TRAPPC9: variants seen among roughly 807,000 people sequenced by gnomAD.
The protein encoded by TRAPPC9 is trafficking protein particle complex subunit 9, also known as IKK2 binding protein.
A neutral mutation model predicts 124.0 loss-of-function variants in TRAPPC9; 83 were observed. The observed-to-expected ratio is 0.67, with a 90% confidence interval of 0.56 to 0.80. TRAPPC9 has a LOEUF of 0.80. Ranked by LOEUF, TRAPPC9 falls within the 30% of genes least tolerant of loss-of-function variation. TRAPPC9 has a pLI of 0.00. For synonymous variants in TRAPPC9, 638 were observed against 617.5 expected (o/e 1.03, Z -0.49); for missense variants, 1,302 against 1,508.3 (o/e 0.86, Z 2.27).
At chr8:140,188,245 T>A (rs1169381400) in intron 17 of TRAPPC9, among the ~76,000 whole-genome samples, 1 of 152,076 alleles carries the variant, frequency 6.6e-6, no homozygotes, top group Non-Finnish European at 1.5e-5. Flanking sequence ...TTTTAAACAA[T>A]CCCTGGTATC....
chr8:139,831,460 A>C lies in TRAPPC9; in HGVS notation c.3055+54419T>G, dbSNP rs560905737. ...TCACATGCATGCAAGCACGCACACT[A>C]ACACACACACGCTCAGTCACACACA... is the stretch of plus-strand genomic sequence containing the variant. On this transcript the variant is annotated intron_variant, in intron 21 of 22. Transcript: ENST00000438773. Among the ~76,000 whole-genome samples, 35 of 152,248 alleles carry C rather than the reference A, an allele frequency of 2.3e-4. No homozygotes were observed. The South Asian group carries it at 6.8e-3, about 30-fold the overall frequency.
At chr8:139,838,670 G>A (rs915538801) in intron 21 of TRAPPC9, among the ~76,000 whole-genome samples, 7 of 151,860 alleles carry the variant, frequency 4.6e-5, no homozygotes, top group Admixed American at 4.6e-4. Flanking sequence ...ACGGGTGGGT[G>A]GCAAGGTTAC....
intron 17 of TRAPPC9, among the ~76,000 whole-genome samples, chr8:140,089,996 C>A (rs570467565): frequency 5.9e-5 from 9 of 152,282 alleles, no homozygotes; most frequent in African/African-American, 2.2e-4. Context: ...AGGAAAATCA[C>A]TTGAACACGG....
At chr8:140,167,391 C>G (rs568772466) in intron 17 of TRAPPC9, among the ~76,000 whole-genome samples, 1 of 152,292 alleles carries the variant, frequency 6.6e-6, no homozygotes, top group East Asian at 1.9e-4. Flanking sequence ...TCTGCACACA[C>G]ACCACACGCC....
At chr8:139,844,316 A>G (rs1232888955) in intron 21 of TRAPPC9, among the ~76,000 whole-genome samples, 1 of 152,246 alleles carries the variant, frequency 6.6e-6, no homozygotes, top group East Asian at 1.9e-4. Flanking sequence ...ATTTCTTGGC[A>G]GAGTGCCTGG....
chr8:139,874,999 G>A (rs969419999), intron 21 of TRAPPC9, among the ~76,000 whole-genome samples: 2 of 152,214 alleles, frequency 1.3e-5, no homozygotes, highest in African/African-American at 4.8e-5. Context: ...ATGAGGGGAC[G>A]CTGGAAGTTA....
intron 21 of TRAPPC9, among the ~76,000 whole-genome samples, chr8:139,834,817 C>T (rs1826226129): frequency 6.6e-6 from 1 of 152,194 alleles, no homozygotes; most frequent in Non-Finnish European, 1.5e-5. Flanking sequence ...AGGCGCATTT[C>T]AGGATGTAAA....
intron 17 of TRAPPC9, among the ~76,000 whole-genome samples, chr8:140,165,309 C>A (rs549219552): frequency 6.6e-6 from 1 of 151,722 alleles, no homozygotes; most frequent in East Asian, 1.9e-4. Context: ...CCACTATACT[C>A]CAGCCTGGAT....
chr8:139,996,792 T>C (rs796682270), intron 18 of TRAPPC9, among the ~76,000 whole-genome samples: 7 of 152,316 alleles, frequency 4.6e-5, no homozygotes, highest in African/African-American at 1.7e-4. Context: ...CAGGTTGGAG[T>C]GCAATGGCGT....
intron 17 of TRAPPC9, among the ~76,000 whole-genome samples, chr8:140,031,404 A>C (rs965939506): frequency 2.6e-5 from 4 of 152,192 alleles, no homozygotes; most frequent in Non-Finnish European, 5.9e-5. Context: ...AACTAACACT[A>C]TTGTCAGAGA....
chr8:140,427,877 T>C (rs891959416), intron 4 of TRAPPC9, among the ~76,000 whole-genome samples: 7 of 152,208 alleles, frequency 4.6e-5, no homozygotes, highest in South Asian at 2.1e-4. Context: ...GTGTTTTCCA[T>C]TGAATAACAC....
At chr8:140,122,010 T>C (rs1475602944) in intron 17 of TRAPPC9, among the ~76,000 whole-genome samples, 1 of 144,478 alleles carries the variant, frequency 6.9e-6, no homozygotes, top group Non-Finnish European at 1.5e-5. Flanking sequence ...AGTCCATCTC[T>C]TTCTTTCTTT....
chr8:139,983,136 C>G (rs1193117134), intron 19 of TRAPPC9, among the ~76,000 whole-genome samples: 1 of 152,128 alleles, frequency 6.6e-6, no homozygotes, highest in Non-Finnish European at 1.5e-5. Flanking sequence ...TGAGAAAAAC[C>G]CTTTGCCCCT....
At chr8:140,167,501 G>A (rs913619874) in intron 17 of TRAPPC9, among the ~76,000 whole-genome samples, 6 of 152,320 alleles carry the variant, frequency 3.9e-5, no homozygotes, top group South Asian at 4.1e-4. Flanking sequence ...GGGTGGAAAC[G>A]GAGGTTCTGA....
chr8:140,260,001 T>C (rs2064363144), intron 15 of TRAPPC9, among the ~76,000 whole-genome samples: 1 of 152,246 alleles, frequency 6.6e-6, no homozygotes, highest in Non-Finnish European at 1.5e-5. Context: ...AACGAAGACC[T>C]GCCTATCTGC....
chr8:139,888,187 C>T (rs1026769237), intron 20 of TRAPPC9, among the ~76,000 whole-genome samples: 11 of 152,210 alleles, frequency 7.2e-5, no homozygotes, highest in South Asian at 4.1e-4. Flanking sequence ...GCTCTGAGGC[C>T]GGCAGAGATG....
In TRAPPC9 at chr8:139,776,702, G is replaced by A. The variant is rs1015216374; in HGVS notation, c.3056-44500C>T. On this transcript the variant is annotated intron_variant, in intron 21 of 22. Coordinates refer to ENST00000438773, the MANE Select transcript of TRAPPC9 (RefSeq NM_001160372.4). This position sits in a 1 kb window ranked among gnomAD's most constrained non-coding sequence, Gnocchi z 4.1. Reference sequence around the variant, plus strand: ...CACACACACACAGAAAGGCACATGTGTGCTGGCTTCAAGAGCTTGGTGTAG... The same window carrying A: ...CACACACACACAGAAAGGCACATGTATGCTGGCTTCAAGAGCTTGGTGTAG... 6.6e-6 allele frequency among the ~76,000 whole-genome samples: 1 copy of A among 152,102 alleles called. No homozygotes were observed. The highest frequency in any genetic ancestry group is 2.4e-5 in the African/African-American group (1 of 41,424).
intron 11 of TRAPPC9, among the ~76,000 whole-genome samples, chr8:140,299,772 A>G (rs1369135784): frequency 6.6e-6 from 1 of 152,246 alleles, no homozygotes; most frequent in Non-Finnish European, 1.5e-5. Flanking sequence ...GCCCTGGTGC[A>G]GGAGGGACGA....
At chr8:139,764,718 G>A (rs1205768162) in intron 21 of TRAPPC9, among the ~76,000 whole-genome samples, 1 of 152,098 alleles carries the variant, frequency 6.6e-6, no homozygotes, top group East Asian at 1.9e-4. Flanking sequence ...GTGTACGTAG[G>A]GCATGTGTAG....
Sources: gnomAD v4.1 joint callset for allele counts (sites outside exome capture counted in the v4.1 genomes callset) on GRCh38, gnomAD v4.1.1 for gene constraint, Gnocchi (gnomAD v3.1) non-coding constraint, MANE v1.5 for transcripts, NCBI Gene and HGNC (gene_info 2026-07-23, HGNC 2026-07-21) for gene names.